Variants in CHN2 observed in about 807,000 individuals in gnomAD.
CHN2 encodes the protein beta-chimaerin.
In CHN2, 35 loss-of-function variants were observed where a neutral mutation model predicts 56.3. The observed-to-expected ratio is 0.62, with a 90% confidence interval of 0.47 to 0.82. The LOEUF is 0.82. Ranked by LOEUF, CHN2 falls within the 40% of genes least tolerant of loss-of-function variation. CHN2 has a pLI of 0.00. For synonymous variants in CHN2, 210 were observed against 212.8 expected (o/e 0.99, Z 0.12); for missense variants, 491 against 580.5 (o/e 0.85, Z 1.58).
At chr7:29,215,702 T>G (rs549817497) in intron 1 of CHN2, among the ~76,000 whole-genome samples, 20 of 152,046 alleles carry the variant, frequency 1.3e-4, no homozygotes, top group Non-Finnish European at 2.5e-4. Flanking sequence ...TATATGTGAG[T>G]GTATGTGTAT....
chr7:29,317,217 G>C lies in CHN2; in HGVS notation c.50-37408G>C, dbSNP rs889934973. Among the ~76,000 whole-genome samples the C allele has an allele frequency of 3.9e-5, 6 of 152,146 alleles. No individual in the cohort carries two copies. In the South Asian group the frequency reaches 6.2e-4, roughly 16 times the overall value. On this transcript the variant is annotated intron_variant, in intron 1 of 12. Coordinates refer to ENST00000222792, the MANE Select transcript of CHN2 (RefSeq NM_004067.4). The stretch of plus-strand genomic sequence containing the variant: ...GTAATTGAAGCAGCAAATAGTCCGA[G>C]GCACAGAAATGGAAATATGTGTAAA...
At chr7:29,451,192 C>T (rs1784379079) in intron 6 of CHN2, among the ~76,000 whole-genome samples, 1 of 152,164 alleles carries the variant, frequency 6.6e-6, no homozygotes, top group Non-Finnish European at 1.5e-5. Context: ...ATACAAGTTA[C>T]TGGACTGGGG....
At position 29,434,464 on chromosome 7, in the gene CHN2, G is replaced by A. The variant is rs1313785248; in HGVS notation, c.576+33636G>A. On this transcript the variant is annotated intron_variant, in intron 6 of 12. Coordinates refer to ENST00000222792, the MANE Select transcript of CHN2 (RefSeq NM_004067.4). Reference sequence around the variant, plus strand: ...CCATGCTCTCTCTGAAGGCTCTAGGGGAGGATCTTCTCTGGCCTCTTCCTA... The same window carrying A: ...CCATGCTCTCTCTGAAGGCTCTAGGAGAGGATCTTCTCTGGCCTCTTCCTA... Among the ~76,000 whole-genome samples, 8 of 151,976 alleles carry A rather than the reference G, an allele frequency of 5.3e-5. No individual in the cohort carries two copies. In the East Asian group the frequency reaches 1.5e-3, roughly 29 times the overall value.
Position 29,303,065 on chromosome 7 carries a change from C to T in CHN2, c.50-51560C>T, listed in dbSNP as rs1793830768. Among the ~76,000 whole-genome samples, 3 of 152,166 alleles carry T rather than the reference C, an allele frequency of 2.0e-5. No homozygotes were observed. In the South Asian group the frequency reaches 6.2e-4, roughly 32 times the overall value. On this transcript the variant is annotated intron_variant, in intron 1 of 12. Coordinates refer to ENST00000222792, the MANE Select transcript of CHN2 (RefSeq NM_004067.4). ...TAGGTTCCAGGGGTCTGACTCAGTA[C>T]CTCACATCAGGGGCAACAGGCTGTC...
At chr7:29,189,797 G>T (rs1782653066), upstream of CHN2, among the ~76,000 whole-genome samples, 1 of 152,088 alleles carries the variant, frequency 6.6e-6, no homozygotes, top group Admixed American at 6.6e-5. Context: ...AAGCTAAGTG[G>T]CCAAATAGGA....
chr7:29,270,620 T>C (rs1434253760), intron 1 of CHN2, among the ~76,000 whole-genome samples: 1 of 151,950 alleles, frequency 6.6e-6, no homozygotes. Flanking sequence ...GTCAAGATCA[T>C]GTCACTGCAC....
chr7:29,194,214 C>A (rs1319919306), upstream of CHN2: 1 of 143,182 alleles, frequency 7.0e-6, no homozygotes, highest in East Asian at 2.4e-4. Flanking sequence ...CCATCCCCTT[C>A]AAATCCTAGG....
chr7:29,381,705 A>G (rs1277630446), intron 3 of CHN2, among the ~76,000 whole-genome samples: 1 of 151,058 alleles, frequency 6.6e-6, no homozygotes, highest in African/African-American at 2.4e-5. Flanking sequence ...GAGCCTGGCA[A>G]ACCTTACAGA....
chr7:29,283,460 T>G (rs964098734), intron 1 of CHN2, among the ~76,000 whole-genome samples: 4 of 152,174 alleles, frequency 2.6e-5, no homozygotes, highest in African/African-American at 9.7e-5. Flanking sequence ...TGATGGGATT[T>G]CACTCTCTTT....
intron 6 of CHN2, among the ~76,000 whole-genome samples, chr7:29,427,300 G>C (rs898571817): frequency 1.3e-5 from 2 of 152,182 alleles, no homozygotes; most frequent in African/African-American, 2.4e-5. Context: ...CTGGGTGATA[G>C]AGTAAGACTG....
At position 29,236,684 on chromosome 7, in the gene CHN2, A is replaced by G. The variant is rs558910784; in HGVS notation, c.49+41694A>G. ...CAAATCTAATAGCTAACATAATACA[A>G]AGTTACCAGCTTGCACTTATGTAAG... On this transcript the variant is annotated intron_variant, in intron 1 of 12. Transcript: ENST00000222792. Among the ~76,000 whole-genome samples, 264 of 152,372 alleles carry G rather than the reference A, an allele frequency of 1.7e-3. 2 individuals are homozygous for G. The highest frequency in any genetic ancestry group is 9.1e-3 in the South Asian group (44 of 4,828).
chr7:29,353,461 C>G (rs903943729), intron 1 of CHN2, among the ~76,000 whole-genome samples: 4 of 152,156 alleles, frequency 2.6e-5, no homozygotes, highest in Non-Finnish European at 5.9e-5. Context: ...CAAGATGTGC[C>G]TGGCCAACAT....
In CHN2 at chr7:29,195,981, G is replaced by A. The variant is rs118014339; in HGVS notation, c.49+991G>A. ...AGGGATAGCTGATAAGACATTTAGG[G>A]TAGTATACAGTATTTAAGGGTCAAG... On this transcript the variant is annotated intron_variant, in intron 1 of 12. Coordinates refer to ENST00000222792, the MANE Select transcript of CHN2 (RefSeq NM_004067.4). 8.1e-4 allele frequency among the ~76,000 whole-genome samples: 123 copies of A among 152,240 alleles called. No individual in the cohort carries two copies. In the East Asian group the frequency reaches 0.018, roughly 23 times the overall value.
intron 1 of CHN2, among the ~76,000 whole-genome samples, chr7:29,287,252 C>A (rs763764960): frequency 1.3e-5 from 2 of 152,130 alleles, no homozygotes; most frequent in African/African-American, 2.4e-5. Flanking sequence ...GAGGCTCAAG[C>A]CATCTGAGCC....
At chr7:29,494,205 G>T (rs893278582) in intron 7 of CHN2, among the ~76,000 whole-genome samples, 8 of 151,982 alleles carry the variant, frequency 5.3e-5, no homozygotes, top group Admixed American at 1.3e-4. Context: ...GACCATTCTG[G>T]TTAAGGTTGG....
At chr7:29,407,293 T>C (rs1369430349) in intron 6 of CHN2, among the ~76,000 whole-genome samples, 1 of 152,070 alleles carries the variant, frequency 6.6e-6, no homozygotes, top group Non-Finnish European at 1.5e-5. Context: ...TGAGGCCTTT[T>C]TTTTGGATGG....
intron 1 of CHN2, among the ~76,000 whole-genome samples, chr7:29,280,957 A>C (rs1219969714): frequency 1.3e-5 from 2 of 152,142 alleles, no homozygotes; most frequent in African/African-American, 4.8e-5. Flanking sequence ...TTAGCCGGGC[A>C]TGGTGGCGCA....
chr7:29,275,226 T>G (rs951857133), intron 1 of CHN2, among the ~76,000 whole-genome samples: 3 of 152,180 alleles, frequency 2.0e-5, no homozygotes, highest in African/African-American at 7.2e-5. Flanking sequence ...GTATAATATT[T>G]AAAAAGTACA....
At chr7:29,360,579 G>A (rs1381523974) in intron 2 of CHN2, among the ~76,000 whole-genome samples, 2 of 152,214 alleles carry the variant, frequency 1.3e-5, no homozygotes, top group Non-Finnish European at 2.9e-5. Flanking sequence ...ATGGCAGGGT[G>A]GAGGGTGGGG....
Sources: gnomAD v4.1 joint callset for allele counts (sites outside exome capture counted in the v4.1 genomes callset) on GRCh38, gnomAD v4.1.1 for gene constraint, MANE v1.5 for transcripts, NCBI Gene and HGNC (gene_info 2026-07-23, HGNC 2026-07-21) for gene names.